TTYH3: variants seen among roughly 807,000 people sequenced by gnomAD.
TTYH3 encodes the protein tweety family member 3, also known as protein tweety homolog 3.
A neutral mutation model predicts 68.2 loss-of-function variants in TTYH3; 23 were observed. The ratio of observed to expected loss-of-function variants is 0.34; its 90% CI spans 0.24 to 0.48. The LOEUF is 0.48. Among genes scored for constraint, TTYH3 ranks in the 20% least tolerant of loss-of-function variants. The pLI, the probability that TTYH3 is intolerant of heterozygous loss-of-function variation, is 0.99. For synonymous variants in TTYH3, 360 were observed against 332.8 expected (o/e 1.08, Z -0.89); for missense variants, 768 against 727.7 (o/e 1.06, Z -0.64).
At chr7:2,661,343 C>G (rs1050716460) in intron 13 of TTYH3, among the ~76,000 whole-genome samples, 1 of 152,170 alleles carries the variant, frequency 6.6e-6, no homozygotes, top group Non-Finnish European at 1.5e-5. Flanking sequence ...TGGCAGAACT[C>G]TGCCTGGCCC....
At chr7:2,656,882 C>T (rs1448201880) in intron 11 of TTYH3, among the ~76,000 whole-genome samples, 1 of 152,238 alleles carries the variant, frequency 6.6e-6, no homozygotes, top group Non-Finnish European at 1.5e-5. Flanking sequence ...TACCGCCTCC[C>T]AGGCAGGTGT....
intron 2 of TTYH3, 36 bp downstream of exon 2, chr7:2,647,058 A>G (rs778948809): frequency 3.6e-6 from 4 of 1,126,124 alleles, no homozygotes; most frequent in East Asian, 3.6e-5. Context: ...GGGCGGGGCC[A>G]GAGGGGGCGG....
intron 1 of TTYH3, 34 bp downstream of exon 1, chr7:2,632,312 G>T: frequency 6.5e-7 from 1 of 1,529,474 alleles, no homozygotes; most frequent in Non-Finnish European, 8.8e-7. Flanking sequence ...CGGGGTCAGG[G>T]ACCCCAGGTC....
intron 1 of TTYH3, among the ~76,000 whole-genome samples, chr7:2,640,734 G>C (rs191673447): frequency 6.6e-6 from 1 of 152,340 alleles, no homozygotes; most frequent in South Asian, 2.1e-4. Flanking sequence ...AGGAGGCCGC[G>C]GCAGGCGTGG....
At chr7:2,661,646 C>T (rs1223321694) in intron 13 of TTYH3, 22 bp from the exon 14 acceptor site, 2 of 1,609,954 alleles carry the variant, frequency 1.2e-6, no homozygotes, top group African/African-American at 1.3e-5. Context: ...CCTGCTGATG[C>T]CTCCCCCTTG....
chr7:2,647,942 C>T lies in TTYH3; in HGVS notation c.627-17C>T, dbSNP rs1786046669. 1.2e-6 allele frequency: 2 copies of T among 1,604,924 alleles called. No individual in the cohort carries two copies. Among genetic ancestry groups the T allele is most frequent in the South Asian group, 1.1e-5 (1 of 91,066 alleles). ...CCGGGTCCCTGTGCCCTGGCGCACT[C>T]CCAGGTTTGCCTGCAGGTGGCTGGG... On this transcript the variant is annotated splice_polypyrimidine_tract_variant and intron_variant, in intron 4 of 13. Coordinates refer to ENST00000258796, the MANE Select transcript of TTYH3 (RefSeq NM_025250.3).
intron 6 of TTYH3, 26 bp from the exon 7 acceptor site, chr7:2,649,887 C>G (rs1451844855): frequency 2.5e-6 from 4 of 1,613,478 alleles, no homozygotes; most frequent in African/African-American, 1.3e-5. Context: ...TGGTCAACCC[C>G]TCTTGCTTGC....
At chr7:2,655,776 C>T (rs1786316118) in intron 9 of TTYH3, among the ~76,000 whole-genome samples, 1 of 152,222 alleles carries the variant, frequency 6.6e-6, no homozygotes, top group Non-Finnish European at 1.5e-5. Flanking sequence ...TCAGTAGACA[C>T]GTGGGGGTTC....
chr7:2,658,218 C>T (rs532980831), intron 11 of TTYH3, 68 bp from the exon 12 acceptor site: 9 of 1,419,596 alleles, frequency 6.3e-6, no homozygotes, highest in African/African-American at 2.9e-5. Context: ...CAGAACTGAC[C>T]CCCATGGGTC....
At chr7:2,652,096 C>T in intron 7 of TTYH3, 91 bp from the exon 8 acceptor site, 10 of 1,125,138 alleles carry the variant, frequency 8.9e-6, no homozygotes, top group Non-Finnish European at 1.3e-5. Context: ...CGCAGATGCC[C>T]TGAAGATATG....
chr7:2,663,354 C>T lies in TTYH3; in HGVS notation c.*1615C>T, dbSNP rs1181151422. The T allele has an allele frequency of 6.5e-6, 1 of 152,834 alleles. No homozygotes were observed. The highest frequency in any genetic ancestry group is 2.4e-5 in the African/African-American group (1 of 41,464). 9.5% of individuals were successfully genotyped at this position (152,834 alleles called of 1,614,324 possible). A position where few individuals can be genotyped will look rare whatever the true frequency, so the allele number is the denominator to read the frequency against. ...TCCTCATCCCCTCCCTGGGGCCAGG[C>T]TCTGCCCTGGCCTTCCTCTGTGAAC... On this transcript the variant is annotated 3_prime_UTR_variant, in exon 14 of 14. Transcript: ENST00000258796.
rs7811528 is a variant in TTYH3, at chr7:2,663,182, A to G, written c.*1443A>G. 0.21 allele frequency: 31,503 copies of G among 152,404 alleles called. 3,805 individuals carry two copies. The highest frequency in any genetic ancestry group is 0.34 in the African/African-American group (13,935 of 41,510). 9.4% of individuals were successfully genotyped at this position (152,404 alleles called of 1,614,324 possible). On this transcript the variant is annotated 3_prime_UTR_variant, in exon 14 of 14. Transcript: ENST00000258796. ...CCCTCGAGGCTCGATGCCTGTGCCA[A>G]GGCCAGGGGCAGCCAGAGGGCAGCT...
At chr7:2,649,347 C>G (rs889842898) in intron 5 of TTYH3, among the ~76,000 whole-genome samples, 9 of 152,118 alleles carry the variant, frequency 5.9e-5, no homozygotes, top group African/African-American at 2.2e-4. Context: ...AGTCCTGCTT[C>G]CAGCTCAGAT....
chr7:2,647,149 A>T lies in TTYH3; in HGVS notation c.301A>T (p.Ile101Phe). ...IIATLVCSAG[I>F]AVGFYGNGET... ...CGGGCCCGCCCTCTCCAGCGCCGGC[A>T]TCGCAGTGGGATTCTACGGCAACGG... The change falls in exon 3 of 14, where the codon ATC becomes TTC. Residue 101 changes from isoleucine (I) to phenylalanine (F), a missense_variant. Transcript: ENST00000258796. 1 of 1,603,662 alleles carries T rather than the reference A, an allele frequency of 6.2e-7. No homozygotes were observed. Among genetic ancestry groups the T allele is most frequent in the Non-Finnish European group, 8.5e-7 (1 of 1,176,832 alleles).
Position 2,663,103 on chromosome 7 carries a change from TCAGGATCGGACGTGCTACCCCTCC to T in TTYH3, c.*1366_*1389del, listed in dbSNP as rs1010005416. On this transcript the variant is annotated 3_prime_UTR_variant, in exon 14 of 14. Transcript: ENST00000258796. ...CCGTGGAGGGCAGAGCCACCCCACA[TCAGGATCGGACGTGCTACCCCTCC>T]CGGTCCCGGCCCTGGCCCAGCCAGC... 1 of 152,296 alleles carries T rather than the reference TCAGGATCGGACGTGCTACCCCTCC, an allele frequency of 6.6e-6. No homozygotes were observed. The highest frequency in any genetic ancestry group is 2.4e-5 in the African/African-American group (1 of 41,424). The allele number at this position is 152,296 out of a possible 1,614,324, so 9.4% of individuals were successfully genotyped here.
chr7:2,643,059 A>T (rs961434933), intron 1 of TTYH3, among the ~76,000 whole-genome samples: 6 of 145,282 alleles, frequency 4.1e-5, no homozygotes, highest in Non-Finnish European at 9.0e-5. Context: ...GTGAAATTAC[A>T]TCTCAAAAAG....
intron 12 of TTYH3, 107 bp from the exon 13 acceptor site, chr7:2,658,833 T>C: frequency 1.9e-6 from 2 of 1,065,380 alleles, no homozygotes; most frequent in Non-Finnish European, 2.8e-6. Context: ...CCAGTGAGAA[T>C]GGATGTGCCC....
chr7:2,637,326 C>T (rs1475334595), intron 1 of TTYH3, among the ~76,000 whole-genome samples: 1 of 152,162 alleles, frequency 6.6e-6, no homozygotes, highest in Non-Finnish European at 1.5e-5. Context: ...CCCCAGGCCA[C>T]GGCGGCTCTC....
At chr7:2,660,070 C>T (rs1786450295) in intron 13 of TTYH3, 3 of 1,291,554 alleles carry the variant, frequency 2.3e-6, no homozygotes, top group South Asian at 2.5e-5. Context: ...CCATCCCGCA[C>T]GGCCACCCGC....
Sources: allele counts gnomAD v4.1 joint callset (sites outside exome capture counted in the v4.1 genomes callset), GRCh38; gene constraint gnomAD v4.1.1; transcripts MANE v1.5; gene names NCBI Gene and HGNC (gene_info 2026-07-23, HGNC 2026-07-21).